CHRDL1: variants seen among roughly 807,000 people sequenced by gnomAD.
CHRDL1 encodes chordin like 1, also known as chordin-like protein 1.
In CHRDL1, 19 loss-of-function variants were observed where a neutral mutation model predicts 40.9. The observed-to-expected ratio is 0.46, with a 90% confidence interval of 0.32 to 0.68. The LOEUF (loss-of-function observed/expected upper bound fraction) is 0.68. Ranked by LOEUF, CHRDL1 falls within the 30% of genes least tolerant of loss-of-function variation. The pLI is 0.03. For missense variants in CHRDL1, 329 were observed against 352.1 expected, an observed-to-expected ratio of 0.93 and a Z score of 0.53; for synonymous variants, 136 against 123.4, an observed-to-expected ratio of 1.10 and a Z score of -0.68.
At chrX:110,745,878 A>T (rs2089237998) in intron 4 of CHRDL1, among the ~76,000 whole-genome samples, 1 of 112,057 alleles carries the variant, frequency 8.9e-6, no homozygotes, top group African/African-American at 3.2e-5. Context: ...CTGGTTAGGA[A>T]GAGACGCCCT....
At chrX:110,747,260 T>G (rs1239157854) in intron 4 of CHRDL1, among the ~76,000 whole-genome samples, 1 of 110,447 alleles carries the variant, frequency 9.1e-6, no homozygotes, top group Non-Finnish European at 1.9e-5. Flanking sequence ...CTCTACAGCT[T>G]AGAAATCAAT....
chrX:110,774,757 A>G (rs1341195972), intron 2 of CHRDL1, among the ~76,000 whole-genome samples: 1 of 112,002 alleles, frequency 8.9e-6, no homozygotes, highest in Non-Finnish European at 1.9e-5. Context: ...GTCAAAATAT[A>G]TTGGTTAACA....
At chrX:110,748,350 G>T (rs2089295671) in intron 4 of CHRDL1, among the ~76,000 whole-genome samples, 1 of 111,899 alleles carries the variant, frequency 8.9e-6, no homozygotes, top group African/African-American at 3.2e-5. Context: ...TATTCCTATG[G>T]ATTTCTCCAA....
At chrX:110,718,020 G>T (rs1048350601) in intron 6 of CHRDL1, among the ~76,000 whole-genome samples, 1 of 111,622 alleles carries the variant, frequency 9.0e-6, no homozygotes, top group Non-Finnish European at 1.9e-5. Context: ...TTAATTATTG[G>T]GTCCTCAGTA....
At chrX:110,781,995 C>T (rs1013676537) in intron 2 of CHRDL1, among the ~76,000 whole-genome samples, 9 of 111,798 alleles carry the variant, frequency 8.1e-5, no homozygotes, top group African/African-American at 2.9e-4. Flanking sequence ...CCAAATTCAG[C>T]CTCTAAGGAG....
intron 4 of CHRDL1, among the ~76,000 whole-genome samples, chrX:110,757,693 A>G (rs2089478852): frequency 8.9e-6 from 1 of 112,113 alleles, no homozygotes; most frequent in Non-Finnish European, 1.9e-5. Context: ...AAGAAGGAAA[A>G]GAAAAGGAAT....
rs2089293520 is a variant in CHRDL1, at chrX:110,748,238, A to G, written c.301+11423T>C. ...CTTTAATAATCTTTCTAATAAAGCTATGTTGAATGGCTCCAGACACAATTT... is the reference window on the plus strand; with the variant it reads ...CTTTAATAATCTTTCTAATAAAGCTGTGTTGAATGGCTCCAGACACAATTT... On this transcript the variant is annotated intron_variant, in intron 4 of 11. Transcript: ENST00000372042. Among the ~76,000 whole-genome samples, 3 of 112,197 alleles carry G rather than the reference A, an allele frequency of 2.7e-5. No individual in the cohort carries two copies. In the Admixed American group the frequency reaches 2.8e-4, roughly 11 times the overall value.
chrX:110,757,284 G>GA (rs916315301), intron 4 of CHRDL1, among the ~76,000 whole-genome samples: 2 of 110,064 alleles, frequency 1.8e-5, no homozygotes, highest in Non-Finnish European at 3.8e-5. Context: ...TCCTTTGGCT[G>GA]AAAAAATCAT....
chrX:110,689,112 A>T (rs1314495471), intron 8 of CHRDL1, among the ~76,000 whole-genome samples: 5 of 80,013 alleles, frequency 6.2e-5, no homozygotes, highest in Admixed American at 4.9e-4. Flanking sequence ...ATATATATAT[A>T]TTTTAAGACC....
At chrX:110,737,935 G>A (rs1238756009) in intron 4 of CHRDL1, among the ~76,000 whole-genome samples, 2 of 111,863 alleles carry the variant, frequency 1.8e-5, no homozygotes, top group Non-Finnish European at 3.8e-5. Context: ...TGGTTGTCAC[G>A]AGTTGAGAAG....
At position 110,710,043 on chromosome X, in the gene CHRDL1, C is replaced by T. The variant is rs148452866; in HGVS notation, c.542-9322G>A. On this transcript the variant is annotated intron_variant, in intron 6 of 11. Coordinates refer to ENST00000372042, the MANE Select transcript of CHRDL1 (RefSeq NM_001143981.2). ...CCAAATAAAGTAGAGTTCTGTGCTA[C>T]CACATCCATGAACTGAAAATAAAAA... is the stretch of plus-strand genomic sequence containing the variant. 9.1e-3 allele frequency among the ~76,000 whole-genome samples: 1,009 copies of T among 111,480 alleles called. 9 individuals are homozygous for T. The highest frequency in any genetic ancestry group is 0.016 in the Admixed American group (165 of 10,510).
chrX:110,735,966 A>G (rs1381892659), intron 4 of CHRDL1, among the ~76,000 whole-genome samples: 1 of 112,413 alleles, frequency 8.9e-6, no homozygotes, highest in Non-Finnish European at 1.9e-5. Context: ...ATTAATTGAG[A>G]AAAGTTATCC....
At chrX:110,736,729 C>A (rs1341556726) in intron 4 of CHRDL1, among the ~76,000 whole-genome samples, 1 of 111,316 alleles carries the variant, frequency 9.0e-6, no homozygotes, top group Non-Finnish European at 1.9e-5. Context: ...TATATGCAAA[C>A]AATTTAGAGG....
At chrX:110,791,371 G>T (rs1047413705) in intron 2 of CHRDL1, among the ~76,000 whole-genome samples, 3 of 111,945 alleles carry the variant, frequency 2.7e-5, no homozygotes, top group Non-Finnish European at 3.8e-5. Flanking sequence ...AGCAAGAACG[G>T]ATATGTCGAC....
Position 110,721,386 on chromosome X carries a change from G to A in CHRDL1, c.446C>T (p.Ser149Leu), listed in dbSNP as rs1306263963. ...QPNQCTQCSCSEGNVYCGLKT... is the reference protein window; with the variant it reads ...QPNQCTQCSCLEGNVYCGLKT... Reference sequence around the variant, plus strand: ...GAATGTTAAGATGTAGGGTCTTACCGAACAGCTGCACTGGGTGCATTGATT... The same window carrying A: ...GAATGTTAAGATGTAGGGTCTTACCAAACAGCTGCACTGGGTGCATTGATT... Residue 149 changes from serine (S) to leucine (L), a missense_variant and splice_region_variant, in exon 5 of 12, where the codon TCG becomes TTG. Coordinates refer to ENST00000372042, the MANE Select transcript of CHRDL1 (RefSeq NM_001143981.2). 4 of 1,210,019 alleles carry A rather than the reference G, an allele frequency of 3.3e-6. No homozygotes were observed. Among genetic ancestry groups the A allele is most frequent in the South Asian group, 1.8e-5 (1 of 56,945 alleles).
At position 110,676,323 on chromosome X, in the gene CHRDL1, T is replaced by C; in HGVS notation, c.1285A>G (p.Ser429Gly). ...KIFTEGEAQISQMCSSRVCRT... is the reference protein window; with the variant it reads ...KIFTEGEAQIGQMCSSRVCRT... ...CATACACGACTTGAACACATCTGGCTGATCTGAGCTTCTCCTTCGGTGAAG... is the reference window on the plus strand; with the variant it reads ...CATACACGACTTGAACACATCTGGCCGATCTGAGCTTCTCCTTCGGTGAAG... The change falls in exon 12 of 12, where the codon AGC becomes GGC. Residue 429 changes from serine (S) to glycine (G), a missense_variant. By Grantham distance (56) the Ser-to-Gly change is moderately conservative. Transcript: ENST00000372042. The C allele has an allele frequency of 8.3e-7, 1 of 1,210,309 alleles. No homozygotes were observed. The highest frequency in any genetic ancestry group is 1.1e-6 in the Non-Finnish European group (1 of 894,249).
At chrX:110,687,107 C>T (rs1022827157) in intron 9 of CHRDL1, among the ~76,000 whole-genome samples, 4 of 110,374 alleles carry the variant, frequency 3.6e-5, no homozygotes, top group Admixed American at 2.9e-4. Flanking sequence ...CTGTAATGTG[C>T]ATTAGAATCA....
intron 4 of CHRDL1, among the ~76,000 whole-genome samples, chrX:110,752,782 G>C (rs901712059): frequency 1.8e-5 from 2 of 111,023 alleles, no homozygotes; most frequent in African/African-American, 3.3e-5. Context: ...ATGCTAATTG[G>C]CTGTTACTGT....
chrX:110,778,110 G>A (rs1435763124), intron 2 of CHRDL1, among the ~76,000 whole-genome samples: 3 of 111,175 alleles, frequency 2.7e-5, no homozygotes, highest in Middle Eastern at 4.6e-3. Flanking sequence ...AACTCAAGAT[G>A]GGTTAAAGAC....
Sources: allele counts gnomAD v4.1 joint callset (sites outside exome capture counted in the v4.1 genomes callset), GRCh38; gene constraint gnomAD v4.1.1; transcripts MANE v1.5; gene names NCBI Gene and HGNC (gene_info 2026-07-23, HGNC 2026-07-21).